The following SLC12A7 variants were observed in gnomAD, a reference collection of about 807,000 sequenced individuals.
SLC12A7 encodes the protein K-Cl cotransporter 4.
Under a neutral mutation model 120.6 loss-of-function variants are expected in SLC12A7, and 100 were observed. The ratio of observed to expected loss-of-function variants is 0.83; its 90% CI spans 0.71 to 0.98. SLC12A7 has a LOEUF of 0.98. SLC12A7 is among the 50% of genes least tolerant of loss of function. The probability of loss-of-function intolerance (pLI) is 0.00; values close to 1 mark genes in which losing one functional copy is unlikely to be tolerated. For missense variants in SLC12A7, 1,373 were observed against 1,548.1 expected (o/e 0.89, Z 1.90); for synonymous variants, 760 against 678.0 (o/e 1.12, Z -1.88).
intron 8 of SLC12A7, among the ~76,000 whole-genome samples, chr5:1,083,538 T>TC (rs1739455638): frequency 6.6e-6 from 1 of 152,140 alleles, no homozygotes; most frequent in African/African-American, 2.4e-5. Context: ...GGAGGCTGTC[T>TC]CCCTGCCACA....
chr5:1,074,982 G>GGGTGCA (rs1277356287), intron 15 of SLC12A7, among the ~76,000 whole-genome samples: 1 of 152,196 alleles, frequency 6.6e-6, no homozygotes, highest in Non-Finnish European at 1.5e-5. Flanking sequence ...GGCACGAGGC[G>GGGTGCA]GGTGCAGGTG....
chr5:1,148,407 A>G, the SLC12A7 span, among the ~76,000 whole-genome samples: 3 of 151,794 alleles, frequency 2.0e-5, no homozygotes. Context: ...GGGTTTCACC[A>G]TGTTAGCCAG....
In SLC12A7 at chr5:1,107,167, T is replaced by C. The variant is rs570802704; in HGVS notation, c.124+4701A>G. Among the ~76,000 whole-genome samples, 42 of 152,226 alleles carry C rather than the reference T, an allele frequency of 2.8e-4. 1 individual carries two copies. Among genetic ancestry groups the C allele is most frequent in the Non-Finnish European group, 2.9e-5 (2 of 68,032 alleles). On this transcript the variant is annotated intron_variant, in intron 1 of 23. Transcript: ENST00000264930. ...CTTTCTTCCCCTAATACTCACGCTT[T>C]ACTCTCTGAATATTCAAGTTCTCAG... is the stretch of plus-strand genomic sequence containing the variant.
intron 1 of SLC12A7, among the ~76,000 whole-genome samples, chr5:1,106,280 C>T (rs1742521849): frequency 6.6e-6 from 1 of 152,146 alleles, no homozygotes; most frequent in African/African-American, 2.4e-5. Context: ...TGGCAAAACC[C>T]CATCTGCACT....
At chr5:1,080,948 A>G (rs1738992509) in intron 9 of SLC12A7, among the ~76,000 whole-genome samples, 1 of 152,146 alleles carries the variant, frequency 6.6e-6, no homozygotes, top group Non-Finnish European at 1.5e-5. Flanking sequence ...CCTGAGCCAA[A>G]CAGGCAAGAT....
At chr5:1,119,331 C>T in the SLC12A7 span, among the ~76,000 whole-genome samples, 2 of 152,212 alleles carry the variant, frequency 1.3e-5, no homozygotes, top group African/African-American at 4.8e-5. Flanking sequence ...TGGACTTGCT[C>T]ATCAGGGCCA....
At chr5:1,082,411 T>C (rs1236120752) in intron 8 of SLC12A7, among the ~76,000 whole-genome samples, 1 of 143,242 alleles carries the variant, frequency 7.0e-6, no homozygotes, top group Non-Finnish European at 1.5e-5. Context: ...CGTCTCGGGT[T>C]CTGGAAAGCC....
chr5:1,116,899 T>C (rs1743347013), upstream of SLC12A7, among the ~76,000 whole-genome samples: 1 of 152,102 alleles, frequency 6.6e-6, no homozygotes, highest in African/African-American at 2.4e-5. Flanking sequence ...AGGGTCCAGA[T>C]GGGCTCAAAA....
intron 10 of SLC12A7, 118 bp downstream of exon 10, chr5:1,079,280 A>G (rs543387415): frequency 5.2e-6 from 4 of 774,574 alleles, no homozygotes; most frequent in East Asian, 2.5e-5. Context: ...GTGAGAGCAC[A>G]GCCTAACCTG....
the SLC12A7 span, among the ~76,000 whole-genome samples, chr5:1,155,774 G>T: frequency 6.6e-6 from 1 of 150,864 alleles, no homozygotes; most frequent in South Asian, 2.1e-4. Context: ...CGGGGGCCCG[G>T]CGGGGGCTCG....
In SLC12A7 at chr5:1,073,695, C is replaced by T. The variant is rs754679636; in HGVS notation, c.2179G>A (p.Val727Met). Residue 727 changes from valine to methionine, a missense_variant, in exon 17 of 24, where the codon GTG becomes ATG. Transcript: ENST00000264930. ...QLKAGKGLTI[V>M]GSVLEGTYLD... ...TACGTCCCCTCCAGCACCGAGCCCACGATGGTCAGGCCCTTGCCGGCCTTC... is the reference window on the plus strand; with the variant it reads ...TACGTCCCCTCCAGCACCGAGCCCATGATGGTCAGGCCCTTGCCGGCCTTC... The T allele has an allele frequency of 3.9e-5, 62 of 1,587,024 alleles. No individual in the cohort carries two copies. The highest frequency in any genetic ancestry group is 4.6e-5 in the Non-Finnish European group (54 of 1,166,220).
chr5:1,085,502 G>A lies in SLC12A7; in HGVS notation c.676-29C>T, dbSNP rs372452876. 269 of 1,558,364 alleles carry A rather than the reference G, an allele frequency of 1.7e-4. 1 individual carries two copies. Among genetic ancestry groups the A allele is most frequent in the Admixed American group, 2.9e-4 (16 of 54,422 alleles). On this transcript the variant is annotated intron_variant, in intron 6 of 23. Transcript: ENST00000264930. ...TGGGAACAAGGCCGGTCGGGAGGCC[G>A]TCCCCGGACACAACTCCCCAGTGCC...
chr5:1,111,753 G>T, intron 1 of SLC12A7, 115 bp downstream of exon 1: 1 of 1,040,728 alleles, frequency 9.6e-7, no homozygotes, highest in East Asian at 3.9e-5. Flanking sequence ...GGGGGCGCGG[G>T]AAGGGGCGCC....
rs1735022079 is a variant in SLC12A7, at chr5:1,051,400, T to TGGGGG, written c.*959_*960insCCCCC. The TGGGGG allele has an allele frequency of 4.2e-5, 2 of 47,166 alleles. No homozygotes were observed. The highest frequency in any genetic ancestry group is 1.6e-4 in the African/African-American group (2 of 12,312). 2.9% of individuals were successfully genotyped at this position (47,166 alleles called of 1,614,324 possible). Reference sequence around the variant, plus strand: ...GCCGTGCTCCTGGGGTGGGGTGGGGTGGGGAGGGCAGTCCTGGCTGTCGTG... The same window carrying TGGGGG: ...GCCGTGCTCCTGGGGTGGGGTGGGGTGGGGGGGGGAGGGCAGTCCTGGCTGTCGTG... On this transcript the variant is annotated 3_prime_UTR_variant, in exon 24 of 24. Coordinates refer to ENST00000264930, the MANE Select transcript of SLC12A7 (RefSeq NM_006598.3).
At chr5:1,086,866 C>G (rs1346855813) in intron 6 of SLC12A7, 37 bp downstream of exon 6, 1 of 1,605,478 alleles carries the variant, frequency 6.2e-7, no homozygotes, top group East Asian at 2.2e-5. Context: ...CTGCCACAGA[C>G]TGTGGGGTGG....
the SLC12A7 span, among the ~76,000 whole-genome samples, chr5:1,133,695 G>A: frequency 1.3e-5 from 2 of 152,206 alleles, no homozygotes; most frequent in African/African-American, 2.4e-5. Context: ...GCCCCTCGGT[G>A]AGAACTTCCT....
chr5:1,104,001 G>GC (rs1308375394), intron 1 of SLC12A7, among the ~76,000 whole-genome samples: 1 of 152,206 alleles, frequency 6.6e-6, no homozygotes, highest in Non-Finnish European at 1.5e-5. Context: ...GAGAGGCAGG[G>GC]CCCCCAGCGC....
intron 13 of SLC12A7, 87 bp downstream of exon 13, chr5:1,076,607 T>A: frequency 1.0e-6 from 1 of 961,864 alleles, no homozygotes; most frequent in Non-Finnish European, 1.6e-6. Context: ...TGTCTACTGC[T>A]TGTCCTGAGC....
intron 12 of SLC12A7, among the ~76,000 whole-genome samples, chr5:1,077,241 T>C (rs1015568755): frequency 6.6e-6 from 1 of 152,176 alleles, no homozygotes; most frequent in Admixed American, 6.5e-5. Flanking sequence ...CGGCTGGGAC[T>C]GAAGATGCAA....
Sources: allele counts gnomAD v4.1 joint callset (sites outside exome capture counted in the v4.1 genomes callset), GRCh38; gene constraint gnomAD v4.1.1; transcripts MANE v1.5; gene names NCBI Gene and HGNC (gene_info 2026-07-23, HGNC 2026-07-21).